The following PCDHGB5 variants were observed in gnomAD, a reference collection of about 807,000 sequenced individuals.
PCDHGB5 encodes protocadherin gamma-B5.
A neutral mutation model predicts 62.9 loss-of-function variants in PCDHGB5; 48 were observed. The observed-to-expected ratio is 0.76, with a 90% CI of 0.61 to 0.97. The LOEUF is 0.97. Among genes scored for constraint, PCDHGB5 ranks in the 50% least tolerant of loss-of-function variants. The pLI is 0.00. For synonymous variants in PCDHGB5, 474 were observed against 511.2 expected (o/e 0.93, Z 0.98); for missense variants, 1,118 against 1,198.6 (o/e 0.93, Z 0.99).
Position 141,490,446 on chromosome 5 carries a change from C to T in PCDHGB5, c.2398-4361C>T, listed in dbSNP as rs779502898. 2.5e-6 allele frequency: 4 copies of T among 1,614,196 alleles called. No homozygotes were observed. The highest frequency in any genetic ancestry group is 3.4e-6 in the Non-Finnish European group (4 of 1,180,016). ...CATTTCAGATTAAGCCTTCTGAGAA[C>T]CACTACTCGCTGCTAACCAGCCAGC... On this transcript the variant is annotated intron_variant, in intron 1 of 3. Coordinates refer to ENST00000617380, the MANE Select transcript of PCDHGB5 (RefSeq NM_018925.3). The surrounding 1 kb of genome is among the most constrained non-coding windows in gnomAD (Gnocchi z 5.4).
At position 141,485,880 on chromosome 5, in the gene PCDHGB5, A is replaced by G; in HGVS notation, c.2398-8927A>G. 1 of 1,614,124 alleles carries G rather than the reference A, an allele frequency of 6.2e-7. No individual in the cohort carries two copies. Among genetic ancestry groups the G allele is most frequent in the Non-Finnish European group, 8.5e-7 (1 of 1,180,026 alleles). On this transcript the variant is annotated intron_variant, in intron 1 of 3. Transcript: ENST00000617380. The surrounding 1 kb of genome is among the most constrained non-coding windows in gnomAD (Gnocchi z 5.7). ...CTCCGGGTATCCGTGCTGGACGTAA[A>G]CGACAACGCCCCAGCCTTCCAGCAA... is the stretch of plus-strand genomic sequence containing the variant.
At chr5:141,422,217 C>T (rs1207888890) in intron 1 of PCDHGB5, 2 of 1,563,582 alleles carry the variant, frequency 1.3e-6, no homozygotes, top group Admixed American at 2.0e-5. Context: ...GTCTCTTTAC[C>T]ACCACGACGA....
intron 1 of PCDHGB5, chr5:141,421,647 G>A: frequency 6.2e-7 from 1 of 1,613,872 alleles, no homozygotes; most frequent in Non-Finnish European, 8.5e-7. Context: ...ACGAAGTGGA[G>A]ATAAAAGTCA....
At position 141,418,023 on chromosome 5, in the gene PCDHGB5, G is replaced by A. The variant is rs375588252; in HGVS notation, c.2397+17499G>A. 244 of 1,613,996 alleles carry A rather than the reference G, an allele frequency of 1.5e-4. No individual in the cohort carries two copies. The Middle Eastern group carries it at 3.5e-3, about 23-fold the overall frequency. On this transcript the variant is annotated intron_variant, in intron 1 of 3. Coordinates refer to ENST00000617380, the MANE Select transcript of PCDHGB5 (RefSeq NM_018925.3). ...GTGGGGAACCTCGCTAAGGATCTAGGGCTTAGTGTCCTGGATGTGTCGGCT... is the reference window on the plus strand; with the variant it reads ...GTGGGGAACCTCGCTAAGGATCTAGAGCTTAGTGTCCTGGATGTGTCGGCT...
At chr5:141,443,029 C>T (rs1281303741) in intron 1 of PCDHGB5, among the ~76,000 whole-genome samples, 3 of 152,192 alleles carry the variant, frequency 2.0e-5, no homozygotes, top group Non-Finnish European at 2.9e-5. Flanking sequence ...AGTTGCCAGA[C>T]CTAAACTTTG....
intron 3 of PCDHGB5, among the ~76,000 whole-genome samples, chr5:141,506,435 G>C (rs1470687416): frequency 7.9e-6 from 1 of 126,278 alleles, no homozygotes; most frequent in East Asian, 2.1e-4. Flanking sequence ...CAACAGTCTC[G>C]CTCTGTCTCA....
chr5:141,489,846 T>C lies in PCDHGB5; in HGVS notation c.2398-4961T>C. The C allele has an allele frequency of 6.2e-7, 1 of 1,614,190 alleles. No individual in the cohort carries two copies. The highest frequency in any genetic ancestry group is 1.1e-5 in the South Asian group (1 of 91,088). ...TGGTGCTAGAGCAGCAGCTGGATCG[T>C]GAAGCCCAGGCAAGACATCAGCTGG... is the stretch of plus-strand genomic sequence containing the variant. On this transcript the variant is annotated intron_variant, in intron 1 of 3. Coordinates refer to ENST00000617380, the MANE Select transcript of PCDHGB5 (RefSeq NM_018925.3). This position sits in a 1 kb window ranked among gnomAD's most constrained non-coding sequence, Gnocchi z 4.5.
At chr5:141,411,771 A>C (rs2095514402) in intron 1 of PCDHGB5, 1 of 151,946 alleles carries the variant, frequency 6.6e-6, no homozygotes, top group Non-Finnish European at 1.5e-5. Flanking sequence ...GGTCTCAGCT[A>C]CTCTGGTGGC....
Position 141,494,830 on chromosome 5 carries a change from G to C in PCDHGB5, c.2421G>C (p.Trp807Cys), listed in dbSNP as rs2099757104. Residue 807 changes from tryptophan (W) to cysteine (C), a missense_variant, in exon 2 of 4, where the codon TGG (tryptophan) becomes TGC (cysteine). Coordinates refer to ENST00000617380, the MANE Select transcript of PCDHGB5 (RefSeq NM_018925.3). ...AGCAAGCCCCGCCCAACACGGACTG[G>C]CGTTTCTCTCAGGCCCAGAGACCCG... The part of the protein sequence containing the change: ...PELQAPPNTD[W>C]RFSQAQRPGT... 6.2e-7 allele frequency: 1 copy of C among 1,614,098 alleles called. No homozygotes were observed. The highest frequency in any genetic ancestry group is 2.2e-5 in the East Asian group (1 of 44,862).
At chr5:141,419,781 G>A in intron 1 of PCDHGB5, 1 of 1,614,032 alleles carries the variant, frequency 6.2e-7, no homozygotes, top group Non-Finnish European at 8.5e-7. Flanking sequence ...GTCCGCCAGC[G>A]CCTGCTAGTC....
At chr5:141,410,515 G>T in intron 1 of PCDHGB5, 1 of 1,613,946 alleles carries the variant, frequency 6.2e-7, no homozygotes, top group South Asian at 1.1e-5. Flanking sequence ...AATGCAGTGT[G>T]CCCCTACATT....
intron 3 of PCDHGB5, chr5:141,507,424 G>C (rs577364087): frequency 6.6e-6 from 1 of 152,202 alleles, no homozygotes; most frequent in African/African-American, 2.4e-5. Context: ...GGTTAAGTGG[G>C]GCCAGGCCTA....
intron 1 of PCDHGB5, among the ~76,000 whole-genome samples, chr5:141,459,682 A>G (rs557568098): frequency 2.4e-4 from 37 of 152,358 alleles, no homozygotes; most frequent in African/African-American, 8.2e-4. Flanking sequence ...AGCAATGCAT[A>G]AAGCGTTCCG....
Position 141,415,740 on chromosome 5 carries a change from G to T in PCDHGB5, c.2397+15216G>T, listed in dbSNP as rs866795513. 9.4e-4 allele frequency: 585 copies of T among 624,884 alleles called. 4 individuals carry two copies. The highest frequency in any genetic ancestry group is 8.0e-3 in the African/African-American group (318 of 39,862). 38.7% of individuals were successfully genotyped at this position (624,884 alleles called of 1,614,324 possible). A position where few individuals can be genotyped will look rare whatever the true frequency, so the allele number is the denominator to read the frequency against. The stretch of plus-strand genomic sequence containing the variant: ...TGAGTAGAATTTGATGTTTATTAAG[G>T]TTTTTTTTTTTTTTTTTTTTTTTTT... On this transcript the variant is annotated intron_variant, in intron 1 of 3. Coordinates refer to ENST00000617380, the MANE Select transcript of PCDHGB5 (RefSeq NM_018925.3).
intron 1 of PCDHGB5, among the ~76,000 whole-genome samples, chr5:141,467,938 C>A (rs527892047): frequency 9.8e-5 from 15 of 152,304 alleles, no homozygotes; most frequent in Non-Finnish European, 1.5e-4. Flanking sequence ...GGATTACAAG[C>A]ATGAGCCACC....
In PCDHGB5 at chr5:141,400,376, T is replaced by A; in HGVS notation, c.2249T>A (p.Leu750Gln). 6.2e-7 allele frequency: 1 copy of A among 1,614,070 alleles called. No individual in the cohort carries two copies. The highest frequency in any genetic ancestry group is 2.2e-5 in the East Asian group (1 of 44,888). ...SQGTLPYSYNLCVAHTGKTEF... is the reference protein window; with the variant it reads ...SQGTLPYSYNQCVAHTGKTEF... ...GGGACTTTGCCTTATTCCTACAACC[T>A]ATGTGTTGCACATACAGGAAAGACG... is the stretch of plus-strand genomic sequence containing the variant. The change falls in exon 1 of 4, where the codon CTA becomes CAA. Residue 750 changes from leucine (L) to glutamine (Q), a missense_variant. Around this residue, in one of 2 missense-constraint regions of PCDHGB5, gnomAD observed 1,034 missense variants for 1,029.1 expected, o/e 1.00. Coordinates refer to ENST00000617380, the MANE Select transcript of PCDHGB5 (RefSeq NM_018925.3).
At chr5:141,469,807 T>C (rs1294838215) in intron 1 of PCDHGB5, among the ~76,000 whole-genome samples, 1 of 152,070 alleles carries the variant, frequency 6.6e-6, no homozygotes, top group African/African-American at 2.4e-5. Context: ...AAAAACATTG[T>C]AGATAGAATG....
chr5:141,431,603 C>T lies in PCDHGB5; in HGVS notation c.2397+31079C>T, dbSNP rs746243366. On this transcript the variant is annotated intron_variant, in intron 1 of 3. Coordinates refer to ENST00000617380, the MANE Select transcript of PCDHGB5 (RefSeq NM_018925.3). This position sits in a 1 kb window ranked among gnomAD's most constrained non-coding sequence, Gnocchi z 4.8. ...CAATGCGGAAGTGAGGTATTCCTTC[C>T]GGTATGTGGACGACAAGGCGGCCCA... is the stretch of plus-strand genomic sequence containing the variant. 1.1e-5 allele frequency: 17 copies of T among 1,614,212 alleles called. No individual in the cohort carries two copies. Among genetic ancestry groups the T allele is most frequent in the Non-Finnish European group, 1.4e-5 (16 of 1,180,044 alleles).
rs1441791773 is a variant in PCDHGB5, at chr5:141,486,038, G to A, written c.2398-8769G>A. The A allele has an allele frequency of 1.9e-6, 3 of 1,614,066 alleles. No individual in the cohort carries two copies. The highest frequency in any genetic ancestry group is 1.1e-5 in the South Asian group (1 of 91,088). On this transcript the variant is annotated intron_variant, in intron 1 of 3. Coordinates refer to ENST00000617380, the MANE Select transcript of PCDHGB5 (RefSeq NM_018925.3). The surrounding 1 kb of genome is among the most constrained non-coding windows in gnomAD (Gnocchi z 5.0). ...TTTCAGTGGTCATACCCCTGATCGT[G>A]TAAGAAACCTCTTTAGCCTGCACCC...
Sources: allele counts gnomAD v4.1 joint callset (sites outside exome capture counted in the v4.1 genomes callset), GRCh38; gene constraint gnomAD v4.1.1; regional missense constraint gnomAD v4.1.1; non-coding constraint Gnocchi (gnomAD v3.1); transcripts MANE v1.5; gene names NCBI Gene and HGNC (gene_info 2026-07-23, HGNC 2026-07-21).